The following GARNL3 variants were observed in gnomAD, a reference collection of about 807,000 sequenced individuals.
GARNL3 encodes the protein GTPase-activating Rap/Ran-GAP domain-like protein 3.
In GARNL3, 63 loss-of-function variants were observed where a neutral mutation model predicts 125.0. The ratio of observed to expected loss-of-function variants is 0.50; its 90% CI spans 0.41 to 0.62. The LOEUF is 0.62. GARNL3 is among the 20% of genes least tolerant of loss of function. The probability of loss-of-function intolerance (pLI) is 0.00; values close to 1 mark genes in which losing one functional copy is unlikely to be tolerated. For synonymous variants in GARNL3, 439 were observed against 457.5 expected (o/e 0.96, Z 0.52); for missense variants, 994 against 1,244.0 (o/e 0.80, Z 3.02).
At chr9:127,253,080 A>G (rs929429354) in intron 2 of GARNL3, among the ~76,000 whole-genome samples, 5 of 152,196 alleles carry the variant, frequency 3.3e-5, no homozygotes, top group Non-Finnish European at 7.4e-5. Flanking sequence ...CTCAAAAACA[A>G]ATTTCATGAA....
chr9:127,290,055 C>T lies in GARNL3; in HGVS notation c.145-1113C>T, dbSNP rs1006103241. ...ACTAACTAGTTAAGTGACTGTAGCC[C>T]GTTATTTTACCCTTCTCTGCCTCAG... On this transcript the variant is annotated intron_variant, in intron 1 of 27. Coordinates refer to ENST00000373387, the MANE Select transcript of GARNL3 (RefSeq NM_032293.5). Among the ~76,000 whole-genome samples, 7 of 152,124 alleles carry T rather than the reference C, an allele frequency of 4.6e-5. No homozygotes were observed. In the South Asian group the frequency reaches 6.2e-4, roughly 14 times the overall value.
At chr9:127,229,335 C>G (rs1290987238) in intron 1 of GARNL3, among the ~76,000 whole-genome samples, 1 of 152,122 alleles carries the variant, frequency 6.6e-6, no homozygotes, top group Non-Finnish European at 1.5e-5. Context: ...CCTGTTGATT[C>G]AGAAAGTTCA....
At chr9:127,336,010 A>T (rs1829532618) in intron 10 of GARNL3, 118 bp from the exon 11 acceptor site, 2 of 703,600 alleles carry the variant, frequency 2.8e-6, no homozygotes, top group Non-Finnish European at 4.7e-6. Context: ...AAGATGTCTG[A>T]AGTTCAGGGC....
At chr9:127,323,899 A>C (rs1473503432) in intron 6 of GARNL3, among the ~76,000 whole-genome samples, 1 of 152,228 alleles carries the variant, frequency 6.6e-6, no homozygotes, top group African/African-American at 2.4e-5. Flanking sequence ...AGTGACATGC[A>C]AACATAATGT....
intron 2 of GARNL3, among the ~76,000 whole-genome samples, chr9:127,305,626 G>C (rs2131436765): frequency 6.6e-6 from 1 of 151,954 alleles, no homozygotes; most frequent in East Asian, 1.9e-4. Context: ...AGGCTGGAGT[G>C]CAGTATCACT....
intron 22 of GARNL3, among the ~76,000 whole-genome samples, chr9:127,365,789 T>G (rs1483425667): frequency 6.6e-6 from 1 of 152,214 alleles, no homozygotes; most frequent in Non-Finnish European, 1.5e-5. Flanking sequence ...TTGTGGCTAC[T>G]AAGCAGCAGG....
intron 21 of GARNL3, among the ~76,000 whole-genome samples, chr9:127,361,434 T>C (rs1326046515): frequency 1.3e-5 from 2 of 152,134 alleles, no homozygotes; most frequent in South Asian, 2.1e-4. Flanking sequence ...ATCAAACTTA[T>C]GAAATAAAGA....
chr9:127,391,659 C>T, intron 27 of GARNL3, among the ~76,000 whole-genome samples: 1 of 145,540 alleles, frequency 6.9e-6, no homozygotes, highest in Non-Finnish European at 1.5e-5. Context: ...CATGATCACA[C>T]CACTGCACTC....
rs554387171 is a variant in GARNL3 at position 127,321,459 on chromosome 9, A to T, written c.567+681A>T. On this transcript the variant is annotated intron_variant, in intron 6 of 27. Coordinates refer to ENST00000373387, the MANE Select transcript of GARNL3 (RefSeq NM_032293.5). Reference sequence around the variant, plus strand: ...TTTTTAAAAAGTTAATAAATACAAAACGTGGTCGATTGAGCTCTTACTCAT... The same window carrying T: ...TTTTTAAAAAGTTAATAAATACAAATCGTGGTCGATTGAGCTCTTACTCAT... Among the ~76,000 whole-genome samples, 3 of 152,190 alleles carry T rather than the reference A, an allele frequency of 2.0e-5. No homozygotes were observed. In the South Asian group the frequency reaches 6.2e-4, roughly 32 times the overall value.
chr9:127,365,406 G>T (rs1238068409), intron 22 of GARNL3, 40 bp downstream of exon 22: 3 of 1,481,512 alleles, frequency 2.0e-6, no homozygotes, highest in Admixed American at 1.8e-5. Context: ...TTGCTTAAAT[G>T]GACTGCTTTT....
chr9:127,257,957 A>G (rs1374315900), intron 2 of GARNL3, among the ~76,000 whole-genome samples: 1 of 152,188 alleles, frequency 6.6e-6, no homozygotes, highest in Admixed American at 6.5e-5. Flanking sequence ...TGTGTGCCAT[A>G]TGATCTCTTT....
intron 2 of GARNL3, among the ~76,000 whole-genome samples, chr9:127,253,702 G>T (rs1399383687): frequency 2.6e-5 from 4 of 152,150 alleles, no homozygotes; most frequent in Admixed American, 1.3e-4. Flanking sequence ...TAGGCAGGTG[G>T]TTGGGGGTGT....
intron 6 of GARNL3, among the ~76,000 whole-genome samples, chr9:127,320,980 G>A (rs12378599): frequency 2.0e-5 from 3 of 152,160 alleles, no homozygotes; most frequent in African/African-American, 7.2e-5. Context: ...GAGTTTTTCA[G>A]AAGTTCCTCA....
intron 2 of GARNL3, 121 bp from the exon 3 acceptor site, chr9:127,311,515 C>T (rs1255984896): frequency 1.2e-5 from 8 of 679,726 alleles, no homozygotes; most frequent in Non-Finnish European, 1.0e-5. Flanking sequence ...CATGCAGCCA[C>T]AGCCCTTGGG....
chr9:127,290,669 C>G (rs181146292), intron 1 of GARNL3, among the ~76,000 whole-genome samples: 1 of 152,234 alleles, frequency 6.6e-6, no homozygotes, highest in Non-Finnish European at 1.5e-5. Context: ...AGCTAAAACA[C>G]AGTCTGCCTG....
chr9:127,273,537 C>T (rs1285984221), intron 1 of GARNL3, among the ~76,000 whole-genome samples: 2 of 152,336 alleles, frequency 1.3e-5, no homozygotes, highest in Admixed American at 1.3e-4. Context: ...CTAGATCAAG[C>T]CCAACCATAA....
At chr9:127,343,079 AG>A (rs560792265) in intron 14 of GARNL3, among the ~76,000 whole-genome samples, 1 of 151,650 alleles carries the variant, frequency 6.6e-6, no homozygotes, top group South Asian at 2.1e-4. Context: ...TTGTATTTTT[AG>A]TAGGGACGGG....
rs1244366521 is a variant in GARNL3, at chr9:127,393,219, G to T, written c.3007G>T (p.Ala1003Ser). Residue 1003 changes from alanine (A) to serine (S), a missense_variant, in exon 28 of 28, where the codon GCT (alanine) becomes TCT (serine). Physicochemically the swap from Ala to Ser is moderately conservative, Grantham distance 99. Coordinates refer to ENST00000373387, the MANE Select transcript of GARNL3 (RefSeq NM_032293.5). ...CGGCAGCAGCCCCTTCCAGCTCACG[G>T]CTTTCTCCGATGAAGACATTATAGA... Reference protein sequence around the residue: ...VSGSSPFQLTAFSDEDIIDLK With the variant: ...VSGSSPFQLTSFSDEDIIDLK 6.2e-7 allele frequency: 1 copy of T among 1,613,464 alleles called. No individual in the cohort carries two copies. Among genetic ancestry groups the T allele is most frequent in the Non-Finnish European group, 8.5e-7 (1 of 1,179,416 alleles).
chr9:127,374,739 AG>A (rs1293585733), intron 22 of GARNL3, among the ~76,000 whole-genome samples: 2 of 152,162 alleles, frequency 1.3e-5, no homozygotes, highest in Non-Finnish European at 2.9e-5. Flanking sequence ...GCACATGAAA[AG>A]GTGTTCAATA....
Sources: gnomAD v4.1 joint callset for allele counts (sites outside exome capture counted in the v4.1 genomes callset) on GRCh38, gnomAD v4.1.1 for gene constraint, MANE v1.5 for transcripts, NCBI Gene and HGNC (gene_info 2026-07-23, HGNC 2026-07-21) for gene names.